Variants in ANKRD62 observed in about 807,000 individuals in gnomAD.
ANKRD62 encodes the protein ankyrin repeat domain-containing protein 62.
Under a neutral mutation model 98.8 loss-of-function variants are expected in ANKRD62, and 61 were observed. The observed-to-expected ratio is 0.62, with a 90% CI of 0.50 to 0.76. The LOEUF (loss-of-function observed/expected upper bound fraction) is 0.76. Ranked by LOEUF, ANKRD62 falls within the 30% of genes least tolerant of loss-of-function variation. ANKRD62 has a pLI of 0.00. For synonymous variants in ANKRD62, 341 were observed against 367.9 expected (o/e 0.93, Z 0.84); for missense variants, 933 against 1,082.9 (o/e 0.86, Z 1.94).
chr18:12,115,363 C>T lies in ANKRD62; in HGVS notation c.1099-30C>T, dbSNP rs1410489021. On this transcript the variant is annotated intron_variant, in intron 9 of 13. Transcript: ENST00000587848. ...GTATATGCTATAAATATTTCGAGGG[C>T]ATTTTGAAACAGTGTTATTTATTTT... 7 of 1,506,320 alleles carry T rather than the reference C, an allele frequency of 4.6e-6. No homozygotes were observed. The South Asian group carries it at 8.8e-5, about 19-fold the overall frequency. The allele number at this position is 1,506,320 out of a possible 1,614,324, so 93.3% of individuals were successfully genotyped here. A position where few individuals can be genotyped will look rare whatever the true frequency, so the allele number is the denominator to read the frequency against.
chr18:12,135,760 T>C, the ANKRD62 span, among the ~76,000 whole-genome samples: 3 of 151,994 alleles, frequency 2.0e-5, no homozygotes, highest in Admixed American at 6.5e-5. Flanking sequence ...TGGTATCTCA[T>C]TGTGGTTTTG....
At position 12,126,297 on chromosome 18, in the gene ANKRD62, G is replaced by A. The variant is rs1909891373; in HGVS notation, c.2476G>A (p.Glu826Lys). ...ACTTCAAGCTGAGTGTAGAAAGCTA[G>A]AAGAGAACAATAAGGGGTTGATGAA... The part of the protein sequence containing the change: ...EKLQAECRKL[E>K]ENNKGLMKEC... Residue 826 changes from glutamate (E) to lysine (K), a missense_variant, in exon 13 of 14, where the codon GAA (glutamate) becomes AAA (lysine). By Grantham distance (56) the Glu-to-Lys change is moderately conservative (BLOSUM62 1). Coordinates refer to ENST00000587848, the MANE Select transcript of ANKRD62 (RefSeq NM_001277333.2). 3.9e-6 allele frequency: 6 copies of A among 1,535,722 alleles called. No individual in the cohort carries two copies. Among genetic ancestry groups the A allele is most frequent in the Non-Finnish European group, 5.2e-6 (6 of 1,146,724 alleles).
chr18:12,131,819 T>C (rs1378449730), downstream of ANKRD62, among the ~76,000 whole-genome samples: 2 of 152,186 alleles, frequency 1.3e-5, no homozygotes, highest in Non-Finnish European at 2.9e-5. Context: ...TCTCTTTATC[T>C]TTATGCCAAA....
At chr18:12,156,593 A>G in the ANKRD62 span, among the ~76,000 whole-genome samples, 3 of 152,162 alleles carry the variant, frequency 2.0e-5, no homozygotes, top group African/African-American at 7.2e-5. Flanking sequence ...AAGTCTAGAT[A>G]TTACTTTGAA....
chr18:12,099,090 TAAC>T (rs572388302), intron 5 of ANKRD62, among the ~76,000 whole-genome samples: 109 of 152,224 alleles, frequency 7.2e-4, no homozygotes, highest in Non-Finnish European at 1.3e-3. Context: ...AATTAGGACT[TAAC>T]AACATTTTCA....
At chr18:12,136,211 A>C in the ANKRD62 span, among the ~76,000 whole-genome samples, 1 of 151,740 alleles carries the variant, frequency 6.6e-6, no homozygotes. Context: ...ATCTTGAATT[A>C]ATTTTTGTAT....
the ANKRD62 span, among the ~76,000 whole-genome samples, chr18:12,136,594 G>C: frequency 6.6e-6 from 1 of 152,148 alleles, no homozygotes; most frequent in Non-Finnish European, 1.5e-5. Context: ...GTCATTGGTA[G>C]CTTGATGGGG....
At chr18:12,121,878 C>T (rs1370791185) in intron 10 of ANKRD62, among the ~76,000 whole-genome samples, 1 of 152,112 alleles carries the variant, frequency 6.6e-6, no homozygotes, top group Non-Finnish European at 1.5e-5. Context: ...AGCAGATTGC[C>T]GCAGAGCTCC....
chr18:12,153,691 A>G, the ANKRD62 span, among the ~76,000 whole-genome samples: 1 of 152,156 alleles, frequency 6.6e-6, no homozygotes, highest in Admixed American at 6.5e-5. Context: ...AGCAAAAAGA[A>G]CAAAGCTGGA....
At chr18:12,174,722 G>T in the ANKRD62 span, among the ~76,000 whole-genome samples, 1 of 152,150 alleles carries the variant, frequency 6.6e-6, no homozygotes, top group African/African-American at 2.4e-5. Context: ...GTATAAGGTG[G>T]TTTCAGCCCA....
chr18:12,114,985 G>T, intron 8 of ANKRD62, 103 bp from the exon 9 acceptor site: 1 of 904,738 alleles, frequency 1.1e-6, no homozygotes, highest in Non-Finnish European at 1.5e-6. Context: ...ATAAGAGAGA[G>T]AAACTACAAA....
the ANKRD62 span, among the ~76,000 whole-genome samples, chr18:12,159,657 C>A: frequency 1.3e-5 from 2 of 152,152 alleles, no homozygotes; most frequent in Non-Finnish European, 2.9e-5. Flanking sequence ...CTGGACTCTG[C>A]AGAGAAACGT....
intron 8 of ANKRD62, 96 bp downstream of exon 8, chr18:12,107,563 A>T: frequency 9.8e-7 from 1 of 1,016,004 alleles, no homozygotes. Context: ...CAAATTTTAT[A>T]CTTTTATGAG....
chr18:12,096,209 C>A lies in ANKRD62; in HGVS notation c.521C>A (p.Ser174Ter). 1.3e-6 allele frequency: 2 copies of A among 1,531,220 alleles called. No homozygotes were observed. Among genetic ancestry groups the A allele is most frequent in the South Asian group, 1.2e-5 (1 of 81,640 alleles). The allele number at this position is 1,531,220 out of a possible 1,614,324, so 94.9% of individuals were successfully genotyped here. A position where few individuals can be genotyped will look rare whatever the true frequency, so the allele number is the denominator to read the frequency against. Residue 174 changes from serine to a stop codon, truncating the protein, a stop_gained, in exon 4 of 14, where the codon TCA becomes TAA. Coordinates refer to ENST00000587848, the MANE Select transcript of ANKRD62 (RefSeq NM_001277333.2). LOFTEE classifies it high-confidence loss of function. ...IEARSQDGHT[S>*]LLLAVNRKKE... ...GCTGTTTTGCAGGATGGACATACATCACTTTTACTCGCTGTAAATAGGAAA... is the reference window on the plus strand; with the variant it reads ...GCTGTTTTGCAGGATGGACATACATAACTTTTACTCGCTGTAAATAGGAAA...
intron 7 of ANKRD62, among the ~76,000 whole-genome samples, chr18:12,104,892 A>G (rs1484909414): frequency 6.6e-6 from 1 of 152,218 alleles, no homozygotes; most frequent in Admixed American, 6.5e-5. Context: ...ATGAAAATAA[A>G]GTATACTGTG....
At chr18:12,111,135 G>A (rs1190167895) in intron 8 of ANKRD62, among the ~76,000 whole-genome samples, 1 of 151,876 alleles carries the variant, frequency 6.6e-6, no homozygotes, top group East Asian at 1.9e-4. Flanking sequence ...TGTAGTCTCA[G>A]CTACTCAGGA....
intron 10 of ANKRD62, among the ~76,000 whole-genome samples, chr18:12,118,395 G>T (rs1374706276): frequency 2.0e-5 from 3 of 152,196 alleles, no homozygotes; most frequent in Non-Finnish European, 2.9e-5. Context: ...GATCACCTGA[G>T]GTCAGGAGTT....
At chr18:12,114,616 G>T (rs934032850) in intron 8 of ANKRD62, among the ~76,000 whole-genome samples, 2 of 152,094 alleles carry the variant, frequency 1.3e-5, no homozygotes, top group African/African-American at 4.8e-5. Flanking sequence ...TACATGTACA[G>T]TGTTTAGAAT....
In ANKRD62 at chr18:12,107,415, A is replaced by G. The variant is rs1168153941; in HGVS notation, c.1012A>G (p.Arg338Gly). 14 of 1,518,480 alleles carry G rather than the reference A, an allele frequency of 9.2e-6. No individual in the cohort carries two copies. Among genetic ancestry groups the G allele is most frequent in the Admixed American group, 2.1e-5 (1 of 48,428 alleles). 94.1% of individuals were successfully genotyped at this position (1,518,480 alleles called of 1,614,324 possible). The change falls in exon 8 of 14, where the codon AGA becomes GGA. Residue 338 changes from arginine (R) to glycine (G), a missense_variant. Physicochemically the swap from Arg to Gly is moderately radical, Grantham distance 125 (BLOSUM62 -2). This residue lies in a region of ANKRD62 where 549 missense variants were observed against 587.9 expected (regional missense o/e 0.93). Coordinates refer to ENST00000587848, the MANE Select transcript of ANKRD62 (RefSeq NM_001277333.2). ...VDELIHKIKN[R>G]KPDNHQSPGK... ...TGAATTAATTCACAAAATAAAGAACAGAAAACCTGATAATCATCAATCTCC... is the reference window on the plus strand; with the variant it reads ...TGAATTAATTCACAAAATAAAGAACGGAAAACCTGATAATCATCAATCTCC...
Sources: gnomAD v4.1 joint callset for allele counts (sites outside exome capture counted in the v4.1 genomes callset) on GRCh38, gnomAD v4.1.1 for gene constraint, gnomAD v4.1.1 regional missense constraint, MANE v1.5 for transcripts, NCBI Gene and HGNC (gene_info 2026-07-23, HGNC 2026-07-21) for gene names.